Variants in MAST4 observed in about 807,000 individuals in gnomAD.
The protein encoded by MAST4 is microtubule-associated serine/threonine-protein kinase 4.
In MAST4, 89 loss-of-function variants were observed where a neutral mutation model predicts 162.7. The ratio of observed to expected loss-of-function variants is 0.55; its 90% confidence interval spans 0.46 to 0.65. The LOEUF (loss-of-function observed/expected upper bound fraction) is 0.65, where lower values mean the gene tolerates loss of function less well. Among genes scored for constraint, MAST4 ranks in the 30% least tolerant of loss-of-function variants. MAST4 has a pLI of 0.00. For missense variants in MAST4, 3,153 were observed against 3,374.0 expected (o/e 0.93, Z 1.62); for synonymous variants, 1,479 against 1,361.1 (o/e 1.09, Z -1.91).
At chr5:66,851,173 T>G (rs2149812454) in intron 3 of MAST4, among the ~76,000 whole-genome samples, 1 of 152,326 alleles carries the variant, frequency 6.6e-6, no homozygotes, top group African/African-American at 2.4e-5. Context: ...GTAAGAGCCA[T>G]AATCTAATCT....
Position 67,166,792 on chromosome 5 carries a change from C to A in MAST4, c.7613C>A (p.Pro2538Gln). Residue 2538 changes from proline (P) to glutamine (Q), a missense_variant, in exon 29 of 29, where the codon CCA (proline) becomes CAA (glutamine). Coordinates refer to ENST00000403625, the MANE Select transcript of MAST4 (RefSeq NM_001164664.2). The stretch of plus-strand genomic sequence containing the variant: ...CCTCTGGAGTCACACCACCCCGACC[C>A]AAACACCATGGGCGGGGCCAGCCAC... Reference protein sequence around the residue: ...TLPLESHHPDPNTMGGASHRD... With the variant: ...TLPLESHHPDQNTMGGASHRD... 6.2e-7 allele frequency: 1 copy of A among 1,603,174 alleles called. No individual in the cohort carries two copies. The highest frequency in any genetic ancestry group is 1.1e-5 in the South Asian group (1 of 88,994).
In MAST4 at chr5:67,112,398, C is replaced by T. The variant is rs949447670; in HGVS notation, c.1459-1689C>T. 9.2e-5 allele frequency among the ~76,000 whole-genome samples: 14 copies of T among 152,110 alleles called. No homozygotes were observed. The East Asian group carries it at 1.3e-3, about 15-fold the overall frequency. On this transcript the variant is annotated intron_variant, in intron 11 of 28. Transcript: ENST00000403625. ...TCCAATTCCATTCCAACACTGTCTA[C>T]GCAGAGATAGCATTAGATTCCACAG...
At chr5:66,986,956 G>C in intron 4 of MAST4, among the ~76,000 whole-genome samples, 1 of 152,058 alleles carries the variant, frequency 6.6e-6, no homozygotes, top group Admixed American at 6.6e-5. Flanking sequence ...ATGTACATGT[G>C]TATGCTCTTA....
intron 7 of MAST4, among the ~76,000 whole-genome samples, chr5:67,097,265 G>A (rs1296753675): frequency 6.6e-6 from 1 of 152,094 alleles, no homozygotes; most frequent in African/African-American, 2.4e-5. Context: ...AAATAATTTT[G>A]TTTTATAAAT....
Position 67,152,727 on chromosome 5 carries a change from G to A in MAST4, c.3386G>A (p.Arg1129Gln), listed in dbSNP as rs767511265. The change falls in exon 25 of 29, where the codon CGA becomes CAA. Residue 1129 changes from arginine (R) to glutamine (Q), a missense_variant. By Grantham distance (43) the Arg-to-Gln change is conservative. This residue lies in a region of MAST4 where 619 missense variants were observed against 744.2 expected (regional missense o/e 0.83). Transcript: ENST00000403625. ...TCTTCACGAGATTCCTCTCCCAGCC[G>A]AGATTCCTCAGCAGCTTCTGCCAGT... ...PSSSRDSSPS[R>Q]DSSAASASPH... 16 of 1,614,044 alleles carry A rather than the reference G, an allele frequency of 9.9e-6. No homozygotes were observed. Among genetic ancestry groups the A allele is most frequent in the Admixed American group, 8.3e-5 (5 of 60,026 alleles).
At chr5:66,657,273 G>A (rs921257826) in intron 1 of MAST4, among the ~76,000 whole-genome samples, 1 of 152,176 alleles carries the variant, frequency 6.6e-6, no homozygotes, top group Admixed American at 6.5e-5. Flanking sequence ...TGAGAGACAA[G>A]TATAGATAAA....
At position 66,895,148 on chromosome 5, in the gene MAST4, G is replaced by A. The variant is rs377659226; in HGVS notation, c.643-4803G>A. ...ACCATCCTATTGCCTTCAGGGGTGC[G>A]AGTAGCCATCCATACATTGATTGTT... On this transcript the variant is annotated intron_variant, in intron 3 of 28. Transcript: ENST00000403625. 2.4e-4 allele frequency among the ~76,000 whole-genome samples: 36 copies of A among 152,234 alleles called. No individual in the cohort carries two copies. In the East Asian group the frequency reaches 3.9e-3, roughly 16 times the overall value.
intron 5 of MAST4, among the ~76,000 whole-genome samples, chr5:67,078,911 A>AATAAATATATATATATATTATAT (rs1227485756): frequency 2.6e-5 from 1 of 38,110 alleles, no homozygotes; most frequent in Non-Finnish European, 4.4e-5. Flanking sequence ...TTTTTATATA[A>AATAAATATATATATATATTATAT]ATATATATAT....
chr5:66,788,607 C>CCAAGCAAAAAAAAAAAAAAA, intron 2 of MAST4, 63 bp from the exon 3 acceptor site: 3 of 1,373,720 alleles, frequency 2.2e-6, no homozygotes, highest in Non-Finnish European at 2.0e-6. Flanking sequence ...CCCCCACCCC[C>CCAAGCAAAAAAAAAAAAAAA]ATTGCAATAA....
intron 1 of MAST4, among the ~76,000 whole-genome samples, chr5:66,632,143 T>C (rs143404231): frequency 3.0e-4 from 45 of 152,306 alleles, no homozygotes; most frequent in Non-Finnish European, 6.0e-4. Context: ...CTAAAATTTA[T>C]ATGTTGGAGT....
At chr5:66,870,325 T>C (rs1247447517) in intron 3 of MAST4, among the ~76,000 whole-genome samples, 2 of 152,108 alleles carry the variant, frequency 1.3e-5, no homozygotes, top group African/African-American at 4.8e-5. Context: ...TGGAGGAAGA[T>C]TGTGATTTCC....
At chr5:67,067,792 T>C (rs771336724) in intron 5 of MAST4, among the ~76,000 whole-genome samples, 4 of 152,164 alleles carry the variant, frequency 2.6e-5, no homozygotes, top group Non-Finnish European at 5.9e-5. Flanking sequence ...GCCTCAGTGA[T>C]AGGGAGAGGC....
intron 3 of MAST4, among the ~76,000 whole-genome samples, chr5:66,808,901 A>G (rs1267632329): frequency 6.6e-6 from 1 of 152,190 alleles, no homozygotes; most frequent in African/African-American, 2.4e-5. Context: ...CCTTCGTGGA[A>G]ATTAAACCCA....
intron 4 of MAST4, among the ~76,000 whole-genome samples, chr5:66,921,665 G>A: frequency 6.6e-6 from 1 of 152,126 alleles, no homozygotes; most frequent in Admixed American, 6.5e-5. Context: ...AGGCTGAGGT[G>A]GGAGGATGGC....
chr5:66,827,571 C>T (rs975455679), intron 3 of MAST4, among the ~76,000 whole-genome samples: 2 of 152,152 alleles, frequency 1.3e-5, no homozygotes, highest in African/African-American at 4.8e-5. Flanking sequence ...GATGGAAAAC[C>T]AGTGGAATAG....
chr5:66,781,198 G>A (rs1754854328), intron 2 of MAST4, among the ~76,000 whole-genome samples: 1 of 152,134 alleles, frequency 6.6e-6, no homozygotes, highest in Admixed American at 6.5e-5. Context: ...TACTTCCTTT[G>A]TGGATTTACC....
chr5:66,840,411 A>T (rs1758336273), intron 3 of MAST4, among the ~76,000 whole-genome samples: 1 of 152,144 alleles, frequency 6.6e-6, no homozygotes, highest in Non-Finnish European at 1.5e-5. Flanking sequence ...CCAAATATAG[A>T]TTGTTAAGCT....
At chr5:66,613,254 C>T (rs140261686) in intron 1 of MAST4, among the ~76,000 whole-genome samples, 133 of 151,226 alleles carry the variant, frequency 8.8e-4, no homozygotes, top group African/African-American at 2.9e-3. Flanking sequence ...AGGAACTTTT[C>T]GTTTCTGTTT....
At chr5:66,797,582 C>T (rs1290846043) in intron 3 of MAST4, among the ~76,000 whole-genome samples, 1 of 152,110 alleles carries the variant, frequency 6.6e-6, no homozygotes, top group Non-Finnish European at 1.5e-5. Context: ...CGTGGTCTTG[C>T]TTTTAAGGAG....
Sources: gnomAD v4.1 joint callset for allele counts (sites outside exome capture counted in the v4.1 genomes callset) on GRCh38, gnomAD v4.1.1 for gene constraint, gnomAD v4.1.1 regional missense constraint, MANE v1.5 for transcripts, NCBI Gene and HGNC (gene_info 2026-07-23, HGNC 2026-07-21) for gene names.